TBC1D5: variants seen among roughly 807,000 people sequenced by gnomAD.
TBC1D5 encodes TBC1 domain family, member 5.
A neutral mutation model predicts 100.3 loss-of-function variants in TBC1D5; 75 were observed. That is an observed-to-expected ratio of 0.75 (90% CI 0.62 to 0.91). The LOEUF is 0.91. TBC1D5 is among the 40% of genes least tolerant of loss of function. The pLI is 0.00. For missense variants in TBC1D5, 910 were observed against 942.4 expected, an observed-to-expected ratio of 0.97 and a Z score of 0.45; for synonymous variants, 323 against 325.6, an observed-to-expected ratio of 0.99 and a Z score of 0.09.
Position 17,470,144 on chromosome 3 carries a change from T to A in TBC1D5, c.97+38330A>T, listed in dbSNP as rs141460403. On this transcript the variant is annotated intron_variant, in intron 3 of 21. Transcript: ENST00000253692. Reference sequence around the variant, plus strand: ...AAAAACATGTGTTCATTTTTGCTACTTGCATATTCCTTTACTAGTTTTTCC... The same window carrying A: ...AAAAACATGTGTTCATTTTTGCTACATGCATATTCCTTTACTAGTTTTTCC... Among the ~76,000 whole-genome samples, 527 of 152,364 alleles carry A rather than the reference T, an allele frequency of 3.5e-3. 3 individuals carry two copies. Among genetic ancestry groups the A allele is most frequent in the African/African-American group, 0.012 (512 of 41,590 alleles).
intron 5 of TBC1D5, 25 bp downstream of exon 5, chr3:17,406,393 C>T (rs770527724): frequency 3.1e-6 from 5 of 1,596,266 alleles, no homozygotes; most frequent in Non-Finnish European, 3.4e-6. Context: ...CAACCAGAAA[C>T]TGTAAATAAA....
intron 13 of TBC1D5, among the ~76,000 whole-genome samples, chr3:17,348,068 C>T (rs537362346): frequency 6.6e-6 from 1 of 152,238 alleles, no homozygotes; most frequent in South Asian, 2.1e-4. Context: ...TCATCTTGGA[C>T]TTTAAATTCT....
At chr3:17,192,974 T>C (rs746238267) in intron 18 of TBC1D5, among the ~76,000 whole-genome samples, 4 of 152,244 alleles carry the variant, frequency 2.6e-5, no homozygotes, top group African/African-American at 4.8e-5. Context: ...TTCCTGACTA[T>C]TGAAGGCTAC....
At chr3:17,595,192 G>T (rs988505379) in intron 2 of TBC1D5, among the ~76,000 whole-genome samples, 4 of 151,990 alleles carry the variant, frequency 2.6e-5, no homozygotes, top group Non-Finnish European at 4.4e-5. Context: ...GCCTATTGTG[G>T]GACCTTGTGA....
exon 22 of TBC1D5, chr3:17,161,171 G>T: frequency 1.2e-6 from 2 of 1,614,130 alleles, no homozygotes. Flanking sequence ...GGAGCCCCTG[G>T]CACTGCTCCC....
At chr3:17,582,338 A>G (rs902752342) in intron 2 of TBC1D5, among the ~76,000 whole-genome samples, 5 of 152,186 alleles carry the variant, frequency 3.3e-5, no homozygotes, top group Non-Finnish European at 5.9e-5. Context: ...TTAAACTATA[A>G]ACATATACCT....
exon 22 of TBC1D5, chr3:17,157,571 GC>G (rs1174812011): frequency 1.4e-5 from 2 of 144,096 alleles, no homozygotes; most frequent in African/African-American, 5.0e-5. Context: ...CAGGGCAGGG[GC>G]CAGGGGCCAG....
intron 19 of TBC1D5, among the ~76,000 whole-genome samples, chr3:17,169,005 T>C (rs1250276839): frequency 6.6e-6 from 1 of 152,174 alleles, no homozygotes; most frequent in African/African-American, 2.4e-5. Context: ...TCCAAATCTA[T>C]GCACAGGCTT....
intron 2 of TBC1D5, among the ~76,000 whole-genome samples, chr3:17,593,851 G>C (rs988272371): frequency 1.3e-5 from 2 of 152,112 alleles, no homozygotes; most frequent in Non-Finnish European, 2.9e-5. Flanking sequence ...TGCAAGGCTT[G>C]GGCAAAGTTC....
At chr3:17,187,466 A>T (rs959257817) in intron 18 of TBC1D5, among the ~76,000 whole-genome samples, 2 of 152,222 alleles carry the variant, frequency 1.3e-5, no homozygotes, top group East Asian at 3.9e-4. Context: ...TGGACTTTTC[A>T]GCCCAAGCCA....
intron 2 of TBC1D5, among the ~76,000 whole-genome samples, chr3:17,570,093 C>G (rs575383786): frequency 6.6e-6 from 1 of 152,080 alleles, no homozygotes; most frequent in East Asian, 1.9e-4. Context: ...CTGTGACTCT[C>G]AGAGACTTAG....
At chr3:17,667,453 AT>A (rs1268773719) in intron 1 of TBC1D5, among the ~76,000 whole-genome samples, 1 of 151,734 alleles carries the variant, frequency 6.6e-6, no homozygotes, top group Non-Finnish European at 1.5e-5. Context: ...CTAAGAAAAA[AT>A]TTTTTTTCTT....
rs188530171 is a variant in TBC1D5 at position 17,499,643 on chromosome 3, C to T, written c.97+8831G>A. ...CCTGCCAGGTCAAGGCTGCAGTGAG[C>T]CATGATTGTACCACTGCCTGTGTGA... is the stretch of plus-strand genomic sequence containing the variant. On this transcript the variant is annotated intron_variant, in intron 3 of 21. Transcript: ENST00000253692. Among the ~76,000 whole-genome samples, 4 of 147,412 alleles carry T rather than the reference C, an allele frequency of 2.7e-5. No individual in the cohort carries two copies. In the East Asian group the frequency reaches 7.8e-4, roughly 29 times the overall value.
intron 2 of TBC1D5, among the ~76,000 whole-genome samples, chr3:17,595,298 T>C (rs762502573): frequency 2.6e-5 from 4 of 152,172 alleles, no homozygotes; most frequent in Non-Finnish European, 4.4e-5. Flanking sequence ...GGGTTAGAAA[T>C]AAATTTAGAA....
intron 9 of TBC1D5, among the ~76,000 whole-genome samples, chr3:17,380,045 A>ATGTGTGTGTGTGTGTGTGTGTGTGTG (rs3041142): frequency 8.9e-6 from 1 of 112,450 alleles, no homozygotes; most frequent in Non-Finnish European, 1.8e-5. Context: ...GTGACTGTGT[A>ATGTGTGTGTGTGTGTGTGTGTGTGTG]TGTGTGTGTG....
At chr3:17,272,739 A>G (rs1354304627) in intron 15 of TBC1D5, among the ~76,000 whole-genome samples, 1 of 152,224 alleles carries the variant, frequency 6.6e-6, no homozygotes, top group Non-Finnish European at 1.5e-5. Flanking sequence ...TATGAAGAAC[A>G]TTGTTAATTC....
rs2090851160 is a variant in TBC1D5 at position 17,353,307 on chromosome 3, G to T, written c.995+18768C>A. ...GAAAGGTTATGATTGCTCTACAAGAGTCAGAAATAGTAAACCTATTTCTAC... is the reference window on the plus strand; with the variant it reads ...GAAAGGTTATGATTGCTCTACAAGATTCAGAAATAGTAAACCTATTTCTAC... On this transcript the variant is annotated intron_variant, in intron 13 of 21. Transcript: ENST00000253692. 3.3e-5 allele frequency among the ~76,000 whole-genome samples: 5 copies of T among 152,030 alleles called. No homozygotes were observed. In the South Asian group the frequency reaches 1.0e-3, roughly 31 times the overall value.
chr3:17,691,771 C>A (rs1186778789), intron 1 of TBC1D5, among the ~76,000 whole-genome samples: 4 of 150,804 alleles, frequency 2.7e-5, no homozygotes, highest in Non-Finnish European at 4.4e-5. Flanking sequence ...GAGCCGAGAT[C>A]GAGCCACTGC....
chr3:17,352,004 CAA>C (rs967887599), intron 13 of TBC1D5, among the ~76,000 whole-genome samples: 1 of 137,780 alleles, frequency 7.3e-6, no homozygotes. Flanking sequence ...AGAAACATGT[CAA>C]AAAAAAAAAC....
Sources: gnomAD v4.1 joint callset for allele counts (sites outside exome capture counted in the v4.1 genomes callset) on GRCh38, gnomAD v4.1.1 for gene constraint, MANE v1.5 for transcripts, NCBI Gene and HGNC (gene_info 2026-07-23, HGNC 2026-07-21) for gene names.